Variants in FLNC observed in about 807,000 individuals in gnomAD.
The protein encoded by FLNC is filamin-C.
Under a neutral mutation model 254.3 loss-of-function variants are expected in FLNC, and 91 were observed. The ratio of observed to expected loss-of-function variants is 0.36; its 90% confidence interval spans 0.30 to 0.43. FLNC has a LOEUF of 0.43. Ranked by LOEUF, FLNC falls within the 20% of genes least tolerant of loss-of-function variation. FLNC has a pLI of 1.00. For synonymous variants in FLNC, 1,430 were observed against 1,577.2 expected, an observed-to-expected ratio of 0.91 and a Z score of 2.21; for missense variants, 2,853 against 3,802.6, an observed-to-expected ratio of 0.75 and a Z score of 6.57.
intron 18 of FLNC, 98 bp downstream of exon 18, chr7:128,843,675 C>A: frequency 6.6e-7 from 1 of 1,506,328 alleles, no homozygotes; most frequent in Non-Finnish European, 9.2e-7. Flanking sequence ...ATCCTCCACG[C>A]CTTTCCTGCC....
chr7:128,840,724 G>A (rs778479694), intron 10 of FLNC, 50 bp downstream of exon 10: 2 of 1,611,524 alleles, frequency 1.2e-6, no homozygotes, highest in Admixed American at 1.7e-5. Flanking sequence ...ATCACAGGGA[G>A]GGACGAGGGG....
intron 35 of FLNC, among the ~76,000 whole-genome samples, chr7:128,852,068 G>A (rs1808842078): frequency 6.6e-6 from 1 of 152,164 alleles, no homozygotes; most frequent in Non-Finnish European, 1.5e-5. Flanking sequence ...GTTTCACCGT[G>A]TTAGCCAGGA....
chr7:128,842,807 C>A lies in FLNC; in HGVS notation c.2403C>A (p.Ile801=), dbSNP rs369234137. 6 of 1,613,616 alleles carry A rather than the reference C, an allele frequency of 3.7e-6. No homozygotes were observed. Among genetic ancestry groups the A allele is most frequent in the Admixed American group, 1.7e-5 (1 of 60,006 alleles). The change falls in exon 16 of 48, where the codon ATC becomes ATA. Residue 801 remains isoleucine, a synonymous_variant. Coordinates refer to ENST00000325888, the MANE Select transcript of FLNC (RefSeq NM_001458.5). The surrounding 1 kb of genome is among the most constrained non-coding windows in gnomAD (Gnocchi z 5.4). ...GCTTCTCTGCAGGCGACGTGAGCAT[C>A]GGCATCAAGTGCGCCCCAGGCGTGG... is the stretch of plus-strand genomic sequence containing the variant. The part of the protein sequence containing the change: ...CSEAGQGDVS[I]GIKCAPGVVG...
chr7:128,832,941 T>C (rs1807951802), intron 1 of FLNC, among the ~76,000 whole-genome samples: 1 of 152,150 alleles, frequency 6.6e-6, no homozygotes, highest in African/African-American at 2.4e-5. Context: ...GGGCTATCCA[T>C]GGGGCCACCT....
At chr7:128,837,369 C>T (rs751202105) in intron 3 of FLNC, 29 bp from the exon 4 acceptor site, 149 of 1,613,824 alleles carry the variant, frequency 9.2e-5, no homozygotes, top group Non-Finnish European at 1.2e-4. Context: ...AAAGAGGGCG[C>T]CATGTGACAT....
chr7:128,846,132 C>T lies in FLNC; in HGVS notation c.3933C>T (p.Thr1311=). ...DTYVTDNGDG[T]YRVQYTAYEE... is the part of the protein sequence containing the mutation. ...ATGTGACAGACAATGGGGACGGCACCTACCGAGTGCAGTACACCGCCTACG... is the reference window on the plus strand; with the variant it reads ...ATGTGACAGACAATGGGGACGGCACTTACCGAGTGCAGTACACCGCCTACG... The change falls in exon 22 of 48, where the codon ACC becomes ACT. Residue 1311 remains threonine (T), a synonymous_variant. Coordinates refer to ENST00000325888, the MANE Select transcript of FLNC (RefSeq NM_001458.5). 6.2e-7 allele frequency: 1 copy of T among 1,614,002 alleles called. No individual in the cohort carries two copies. Among genetic ancestry groups the T allele is most frequent in the Non-Finnish European group, 8.5e-7 (1 of 1,179,994 alleles).
intron 28 of FLNC, 76 bp from the exon 29 acceptor site, chr7:128,849,105 C>CACCCAACCACA: frequency 6.5e-7 from 1 of 1,548,224 alleles, no homozygotes; most frequent in African/African-American, 1.4e-5. Flanking sequence ...GCCCTGGCCC[C>CACCCAACCACA]TCCCTCCCTC....
rs1808417534 is a variant in FLNC at position 128,843,301 on chromosome 7, C to T, written c.2623C>T (p.Pro875Ser). 1 of 1,612,970 alleles carries T rather than the reference C, an allele frequency of 6.2e-7. No individual in the cohort carries two copies. The highest frequency in any genetic ancestry group is 8.5e-7 in the Non-Finnish European group (1 of 1,179,568). ...HDASKVKAEG[P>S]GLNRTGVEVG... ...TGCCAGCAAAGTCAAGGCCGAGGGC[C>T]CTGGGCTGAATCGCACAGGTGAGTG... Residue 875 changes from proline to serine, a missense_variant, in exon 17 of 48, where the codon CCT becomes TCT. By Grantham distance (74) the Pro-to-Ser change is moderately conservative. This residue lies in a region of FLNC where 1,573 missense variants were observed against 1,883.5 expected (regional missense o/e 0.84). Transcript: ENST00000325888.
intron 32 of FLNC, 146 bp from the exon 33 acceptor site, chr7:128,850,657 T>A: frequency 7.4e-7 from 1 of 1,350,604 alleles, no homozygotes; most frequent in South Asian, 1.2e-5. Context: ...CTGTCCCCAG[T>A]TCAGGGCTCA....
intron 35 of FLNC, among the ~76,000 whole-genome samples, 156 bp from the exon 36 acceptor site, chr7:128,852,435 A>G (rs1401866281): frequency 6.6e-6 from 1 of 152,216 alleles, no homozygotes; most frequent in African/African-American, 2.4e-5. Context: ...ATGTGAGTGC[A>G]GACTGCACTT....
intron 18 of FLNC, 97 bp downstream of exon 18, chr7:128,843,674 G>A (rs1489068471): frequency 4.5e-5 from 68 of 1,502,374 alleles, no homozygotes; most frequent in East Asian, 4.5e-4. Flanking sequence ...GATCCTCCAC[G>A]CCTTTCCTGC....
Position 128,841,557 on chromosome 7 carries a change from T to A in FLNC, c.2111T>A (p.Leu704His). The change falls in exon 13 of 48, where the codon CTC becomes CAC. Residue 704 changes from leucine to histidine, a missense_variant. Physicochemically the swap from Leu to His is moderately conservative, Grantham distance 99. Around this residue, in one of 10 missense-constraint regions of FLNC, gnomAD observed 1,573 missense variants for 1,883.5 expected, o/e 0.84. Transcript: ENST00000325888. This position sits in a 1 kb window ranked among gnomAD's most constrained non-coding sequence, Gnocchi z 4.3. Reference protein sequence around the residue: ...ARAAGKGDLKLYAQDADGCPI... With the variant: ...ARAAGKGDLKHYAQDADGCPI... Reference sequence around the variant, plus strand: ...GCAGCTGGCAAGGGAGACCTGAAGCTCTATGCCCAGGTAGGTCATTGTCCA... The same window carrying A: ...GCAGCTGGCAAGGGAGACCTGAAGCACTATGCCCAGGTAGGTCATTGTCCA... The A allele has an allele frequency of 6.2e-7, 1 of 1,612,866 alleles. No individual in the cohort carries two copies. Among genetic ancestry groups the A allele is most frequent in the Non-Finnish European group, 8.5e-7 (1 of 1,178,862 alleles).
chr7:128,831,825 C>T (rs1195449495), intron 1 of FLNC, among the ~76,000 whole-genome samples: 1 of 151,588 alleles, frequency 6.6e-6, no homozygotes, highest in Admixed American at 6.6e-5. Context: ...CGGGGAGGCA[C>T]TCTAGTCTTG....
rs916680913 is a variant in FLNC, at chr7:128,851,297, C to T, written c.5605C>T (p.Leu1869=). 2 of 1,614,012 alleles carry T rather than the reference C, an allele frequency of 1.2e-6. No homozygotes were observed. Among genetic ancestry groups the T allele is most frequent in the African/African-American group, 2.7e-5 (2 of 74,926 alleles). ...SRHVSAYGPG[L]SHGMVNKPAT... is the part of the protein sequence containing the mutation. ...CCATGTCAGTGCCTATGGGCCAGGC[C>T]TGAGCCATGGCATGGTCAACAAGCC... Residue 1869 remains leucine, a synonymous_variant, in exon 34 of 48, where the codon CTG becomes TTG. Transcript: ENST00000325888.
Position 128,852,785 on chromosome 7 carries a change from T to TGG in FLNC, c.6004+37_6004+38dup, listed in dbSNP as rs749765539. ...TGGGGCCTCACGGGGACCTCAGGGG[T>TGG]GGGGGCCCACAGGATGCTCTGCCTA... On this transcript the variant is annotated intron_variant, in intron 36 of 47. Coordinates refer to ENST00000325888, the MANE Select transcript of FLNC (RefSeq NM_001458.5). 4 of 1,613,024 alleles carry TGG rather than the reference T, an allele frequency of 2.5e-6. No individual in the cohort carries two copies. In the African/African-American group the frequency reaches 5.3e-5, roughly 22 times the overall value.
intron 8 of FLNC, among the ~76,000 whole-genome samples, chr7:128,839,187 C>T (rs998298355): frequency 2.0e-5 from 3 of 152,240 alleles, no homozygotes; most frequent in African/African-American, 4.8e-5. Context: ...GGCATGGCCG[C>T]AGCTGACTGG....
intron 5 of FLNC, 48 bp from the exon 6 acceptor site, chr7:128,837,939 G>A (rs1331817079): frequency 1.3e-6 from 2 of 1,551,930 alleles, no homozygotes; most frequent in Non-Finnish European, 1.8e-6. Context: ...GGGGTCAGGA[G>A]GGGCTATGGT....
chr7:128,855,158 C>T (rs1291248504), intron 42 of FLNC, 41 bp from the exon 43 acceptor site: 1 of 1,441,256 alleles, frequency 6.9e-7, no homozygotes, highest in South Asian at 1.1e-5. Flanking sequence ...GCCCTGCCAA[C>T]CTCCATCCCG....
Position 128,850,454 on chromosome 7 carries a change from C to T in FLNC, c.5369C>T (p.Pro1790Leu). The change falls in exon 32 of 48, where the codon CCC (proline) becomes CTC (leucine). Residue 1790 changes from proline to leucine, a missense_variant. Physicochemically the swap from Pro to Leu is moderately conservative, Grantham distance 98. Transcript: ENST00000325888. ...CTGAGGCCCTTCAACCTGGTCATCC[C>T]CTTCGCGGTGCAGAAAGGGGAGCTC... ...SMLRPFNLVI[P>L]FAVQKGELTG... 1.2e-6 allele frequency: 2 copies of T among 1,613,870 alleles called. No individual in the cohort carries two copies. The highest frequency in any genetic ancestry group is 1.7e-6 in the Non-Finnish European group (2 of 1,179,994).
Sources: gnomAD v4.1 joint callset for allele counts (sites outside exome capture counted in the v4.1 genomes callset) on GRCh38, gnomAD v4.1.1 for gene constraint, gnomAD v4.1.1 regional missense constraint, Gnocchi (gnomAD v3.1) non-coding constraint, MANE v1.5 for transcripts, NCBI Gene and HGNC (gene_info 2026-07-23, HGNC 2026-07-21) for gene names.